The following SPTLC3 variants were observed in gnomAD, a reference collection of about 807,000 sequenced individuals.
SPTLC3 encodes the protein serine palmitoyltransferase long chain base subunit 3, also known as serine palmitoyltransferase 3.
SPTLC3 carries 36 observed loss-of-function variants against 59.3 expected under a neutral mutation model. That is an observed-to-expected ratio of 0.61 (90% CI 0.47 to 0.80). SPTLC3 has a LOEUF of 0.80. SPTLC3 is among the 30% of genes least tolerant of loss of function. SPTLC3 has a pLI of 0.00. For missense variants in SPTLC3, 625 were observed against 685.1 expected, an observed-to-expected ratio of 0.91 and a Z score of 0.98; for synonymous variants, 257 against 240.8, an observed-to-expected ratio of 1.07 and a Z score of -0.62.
At position 13,165,126 on chromosome 20, in the gene SPTLC3, G is replaced by C. The variant is rs2038968253; in HGVS notation, c.*259G>C. ...CACACACACACACACACACACTTCT[G>C]AGAATATTTTTAATGGCAATAAGCC... is the stretch of plus-strand genomic sequence containing the variant. On this transcript the variant is annotated 3_prime_UTR_variant, in exon 12 of 12. Transcript: ENST00000399002. 2.8e-6 allele frequency: 1 copy of C among 353,194 alleles called. No individual in the cohort carries two copies. The highest frequency in any genetic ancestry group is 2.1e-5 in the African/African-American group (1 of 47,392). 21.9% of individuals were successfully genotyped at this position (353,194 alleles called of 1,614,324 possible). A position where few individuals can be genotyped will look rare whatever the true frequency, so the allele number is the denominator to read the frequency against.
chr20:13,110,731 C>T (rs1396869741), intron 7 of SPTLC3, among the ~76,000 whole-genome samples: 3 of 152,080 alleles, frequency 2.0e-5, no homozygotes, highest in African/African-American at 7.2e-5. Context: ...AATTCTTGTT[C>T]CAGAGCCAGC....
chr20:13,101,826 C>T (rs12479691), intron 6 of SPTLC3, among the ~76,000 whole-genome samples: 46,303 of 152,022 alleles, frequency 0.3, 7,841 homozygotes, highest in Middle Eastern at 0.4. Context: ...TCCTGGGTGC[C>T]GCTGCTGCTA....
intron 6 of SPTLC3, among the ~76,000 whole-genome samples, chr20:13,101,937 G>A (rs770971701): frequency 2.6e-5 from 4 of 152,224 alleles, no homozygotes; most frequent in South Asian, 2.1e-4. Flanking sequence ...AGCTAGCCTC[G>A]GAGAAAAGCT....
intron 1 of SPTLC3, among the ~76,000 whole-genome samples, chr20:13,037,785 A>G (rs1986799172): frequency 6.6e-6 from 1 of 152,202 alleles, no homozygotes; most frequent in South Asian, 2.1e-4. Context: ...TCACTAGCTT[A>G]ACCATGAGTT....
At chr20:13,145,336 C>T (rs894413205) in intron 9 of SPTLC3, among the ~76,000 whole-genome samples, 5 of 152,138 alleles carry the variant, frequency 3.3e-5, no homozygotes, top group African/African-American at 1.2e-4. Flanking sequence ...CATTTCTATA[C>T]ACCAACAACA....
intron 1 of SPTLC3, among the ~76,000 whole-genome samples, chr20:13,037,656 C>T (rs1165710051): frequency 2.6e-5 from 4 of 152,158 alleles, no homozygotes; most frequent in African/African-American, 7.2e-5. Flanking sequence ...TCTCCTACAA[C>T]AGAACATTCC....
intron 8 of SPTLC3, among the ~76,000 whole-genome samples, chr20:13,124,234 C>T (rs977011820): frequency 1.3e-5 from 2 of 152,058 alleles, no homozygotes; most frequent in Non-Finnish European, 2.9e-5. Flanking sequence ...TCTATCCTCC[C>T]TCCCCTCCTG....
intron 1 of SPTLC3, among the ~76,000 whole-genome samples, chr20:13,034,331 T>C (rs76825929): frequency 0.055 from 8,399 of 152,302 alleles, 273 homozygotes; most frequent in South Asian, 0.083. Flanking sequence ...AGGCCATGTG[T>C]AGACACTGGG....
At chr20:13,030,222 C>A (rs576905154) in intron 1 of SPTLC3, among the ~76,000 whole-genome samples, 1 of 152,288 alleles carries the variant, frequency 6.6e-6, no homozygotes, top group African/African-American at 2.4e-5. Context: ...ACTGTGATGT[C>A]AAAACACACC....
At chr20:13,119,442 G>A (rs746206877) in intron 8 of SPTLC3, among the ~76,000 whole-genome samples, 3 of 152,106 alleles carry the variant, frequency 2.0e-5, no homozygotes, top group Admixed American at 6.5e-5. Context: ...AGATGTAGGC[G>A]TTCTTGTCCA....
chr20:13,096,855 T>C (rs944037232), intron 6 of SPTLC3, among the ~76,000 whole-genome samples: 9 of 152,158 alleles, frequency 5.9e-5, no homozygotes, highest in Admixed American at 3.3e-4. Context: ...AGTACAGGCT[T>C]TGACCCATGC....
intron 10 of SPTLC3, among the ~76,000 whole-genome samples, chr20:13,157,143 A>G (rs758444633): frequency 1.3e-5 from 2 of 152,084 alleles, no homozygotes; most frequent in Non-Finnish European, 2.9e-5. Flanking sequence ...AGAAAGGTCA[A>G]ATTACTTTCT....
chr20:13,084,869 A>G (rs1334697769), intron 4 of SPTLC3, among the ~76,000 whole-genome samples: 1 of 152,226 alleles, frequency 6.6e-6, no homozygotes, highest in Non-Finnish European at 1.5e-5. Flanking sequence ...AAACTTTACA[A>G]AAAGGAAATT....
At chr20:13,031,918 C>A (rs1472975052) in intron 1 of SPTLC3, among the ~76,000 whole-genome samples, 1 of 152,144 alleles carries the variant, frequency 6.6e-6, no homozygotes, top group Non-Finnish European at 1.5e-5. Flanking sequence ...CGCTTCATAA[C>A]CTTAGGCAAG....
chr20:13,019,778 C>A (rs1369790505), intron 1 of SPTLC3, among the ~76,000 whole-genome samples: 2 of 152,190 alleles, frequency 1.3e-5, no homozygotes, highest in Non-Finnish European at 2.9e-5. Flanking sequence ...TAAATCTGGT[C>A]TAACTGGACC....
chr20:13,135,405 C>G, intron 9 of SPTLC3, among the ~76,000 whole-genome samples: 1 of 152,082 alleles, frequency 6.6e-6, no homozygotes, highest in East Asian at 1.9e-4. Flanking sequence ...CTCCCATGAT[C>G]GTTACAATTT....
intron 1 of SPTLC3, among the ~76,000 whole-genome samples, chr20:13,020,080 G>T (rs1252640938): frequency 6.6e-6 from 1 of 151,924 alleles, no homozygotes; most frequent in African/African-American, 2.4e-5. Flanking sequence ...AATCCAACTA[G>T]AAAAAAACAG....
At chr20:13,151,135 C>T (rs1345276873) in intron 9 of SPTLC3, among the ~76,000 whole-genome samples, 1 of 152,126 alleles carries the variant, frequency 6.6e-6, no homozygotes, top group Non-Finnish European at 1.5e-5. Context: ...TATAGGTTGC[C>T]ACAGCTTCTA....
intron 6 of SPTLC3, among the ~76,000 whole-genome samples, chr20:13,105,273 A>AT (rs1989822061): frequency 6.6e-6 from 1 of 151,786 alleles, no homozygotes; most frequent in Non-Finnish European, 1.5e-5. Flanking sequence ...GGAGGAAAAA[A>AT]AAAATGGCTA....
Sources: allele counts gnomAD v4.1 joint callset (sites outside exome capture counted in the v4.1 genomes callset), GRCh38; gene constraint gnomAD v4.1.1; transcripts MANE v1.5; gene names NCBI Gene and HGNC (gene_info 2026-07-23, HGNC 2026-07-21).